The following HMGA1 variants were observed in gnomAD, a reference collection of about 807,000 sequenced individuals.
The protein encoded by HMGA1 is high mobility group AT-hook 1.
HMGA1 carries 1 observed loss-of-function variant against 15.1 expected under a neutral mutation model. The observed-to-expected ratio is 0.07, with a 90% CI of 0.02 to 0.31. HMGA1 has a LOEUF of 0.31. Ranked by LOEUF, HMGA1 falls within the 10% of genes least tolerant of loss-of-function variation. The pLI is 1.00. For synonymous variants in HMGA1, 56 were observed against 54.8 expected (o/e 1.02, Z -0.10); for missense variants, 94 against 141.4 (o/e 0.66, Z 1.70).
chr6:34,242,567 A>C, intron 3 of HMGA1, 145 bp from the exon 4 acceptor site: 1 of 681,892 alleles, frequency 1.5e-6, no homozygotes, highest in South Asian at 1.5e-5. Flanking sequence ...GGAGCTTTGG[A>C]TCCTGAAGGG....
chr6:34,237,709 G>GA (rs1480251342), intron 2 of HMGA1, among the ~76,000 whole-genome samples: 1 of 151,364 alleles, frequency 6.6e-6, no homozygotes. Flanking sequence ...CCGAGCCCGG[G>GA]CCCGGGTGAG....
At chr6:34,243,030 C>T (rs928107549) in intron 4 of HMGA1, among the ~76,000 whole-genome samples, 3 of 151,902 alleles carry the variant, frequency 2.0e-5, no homozygotes, top group Non-Finnish European at 2.9e-5. Flanking sequence ...GAGATCAGGT[C>T]AGAAGTCCCA....
At chr6:34,241,293 T>C (rs751747245) in intron 3 of HMGA1, among the ~76,000 whole-genome samples, 12 of 152,156 alleles carry the variant, frequency 7.9e-5, no homozygotes, top group South Asian at 2.1e-4. Context: ...AAAATGAACA[T>C]AGAAGCCCAG....
At chr6:34,243,207 T>C (rs993232697) in intron 4 of HMGA1, among the ~76,000 whole-genome samples, 3 of 152,104 alleles carry the variant, frequency 2.0e-5, no homozygotes, top group Non-Finnish European at 4.4e-5. Flanking sequence ...AAAAGTTGTT[T>C]TGTTTTTTAT....
intron 2 of HMGA1, among the ~76,000 whole-genome samples, chr6:34,240,315 T>G (rs76470563): frequency 0.039 from 6,008 of 152,236 alleles, 375 homozygotes; most frequent in African/African-American, 0.13. Flanking sequence ...CTGCGTAGGC[T>G]GGATTTTCTC....
chr6:34,240,547 G>A (rs1335483500), intron 2 of HMGA1, 190 bp from the exon 3 acceptor site: 2 of 548,140 alleles, frequency 3.6e-6, no homozygotes, highest in African/African-American at 3.8e-5. Context: ...AGCTGATTAG[G>A]GCCAACGGCC....
rs1762177272 is a variant in HMGA1 at position 34,240,114 on chromosome 6, A to T, written c.-44-623A>T. ...TCAATTATACCAATCTGAATTCTCCAGGGATTTACCCTGGGTGAGAACAGA... is the reference window on the plus strand; with the variant it reads ...TCAATTATACCAATCTGAATTCTCCTGGGATTTACCCTGGGTGAGAACAGA... On this transcript the variant is annotated intron_variant, in intron 2 of 5. Coordinates refer to ENST00000311487, the MANE Select transcript of HMGA1 (RefSeq NM_145899.3). Among the ~76,000 whole-genome samples, 3 of 152,306 alleles carry T rather than the reference A, an allele frequency of 2.0e-5. No individual in the cohort carries two copies. The South Asian group carries it at 6.2e-4, about 32-fold the overall frequency.
chr6:34,240,660 T>A, intron 2 of HMGA1, 77 bp from the exon 3 acceptor site: 1 of 1,174,742 alleles, frequency 8.5e-7, no homozygotes. Flanking sequence ...GCAGTGTGCC[T>A]TGAAGGTGTG....
In HMGA1 at chr6:34,236,891, G is replaced by A. The variant is rs1424807615; in HGVS notation, c.-231G>A. ...GGTCGCTCTTTTTAAGCTCCCCTGA[G>A]CCGGTGCTGCGCTCCTCTAATTGGG... On this transcript the variant is annotated 5_prime_UTR_variant, in exon 1 of 6. Coordinates refer to ENST00000311487, the MANE Select transcript of HMGA1 (RefSeq NM_145899.3). 6.6e-6 allele frequency: 1 copy of A among 152,570 alleles called. No homozygotes were observed. The highest frequency in any genetic ancestry group is 2.4e-5 in the African/African-American group (1 of 41,456). The allele number at this position is 152,570 out of a possible 1,614,324, so 9.5% of individuals were successfully genotyped here.
intron 3 of HMGA1, among the ~76,000 whole-genome samples, chr6:34,241,376 T>C (rs1042651116): frequency 1.3e-5 from 2 of 152,256 alleles, no homozygotes; most frequent in African/African-American, 2.4e-5. Flanking sequence ...TGAATACTTA[T>C]GGTCGATTCT....
rs558082365 is a variant in HMGA1, at chr6:34,243,600, C to T, written c.270+82C>T. ...TGAGTACACAGTACCTGATGCTATG[C>T]ACCCCCTATGGAAAGGCTCTCCTTG... On this transcript the variant is annotated intron_variant, in intron 5 of 5. Transcript: ENST00000311487. The T allele has an allele frequency of 4.9e-5, 55 of 1,124,482 alleles. No homozygotes were observed. In the East Asian group the frequency reaches 1.1e-3, roughly 23 times the overall value. The allele number at this position is 1,124,482 out of a possible 1,614,324, so 69.7% of individuals were successfully genotyped here.
chr6:34,241,920 T>C (rs1307986393), intron 3 of HMGA1, among the ~76,000 whole-genome samples: 2 of 152,046 alleles, frequency 1.3e-5, no homozygotes, highest in Admixed American at 1.3e-4. Context: ...GTGGGGTCAT[T>C]TGTCCTCTTA....
chr6:34,242,308 A>T (rs1762375111), intron 3 of HMGA1, among the ~76,000 whole-genome samples: 1 of 152,086 alleles, frequency 6.6e-6, no homozygotes, highest in Non-Finnish European at 1.5e-5. Flanking sequence ...TACATTACCC[A>T]TTTAATCTCC....
chr6:34,239,976 C>G (rs1762164438), intron 2 of HMGA1, among the ~76,000 whole-genome samples: 2 of 152,172 alleles, frequency 1.3e-5, no homozygotes, highest in East Asian at 3.9e-4. Context: ...AAAGTCCCAT[C>G]TGACTCCAGT....
chr6:34,244,758 G>A, intron 5 of HMGA1, 73 bp from the exon 6 acceptor site: 2 of 1,295,004 alleles, frequency 1.5e-6, no homozygotes, highest in Non-Finnish European at 2.2e-6. Context: ...GCAGGGAGCG[G>A]GTGGGGCCAG....
chr6:34,245,642 G>A lies in HMGA1; in HGVS notation c.*758G>A. On this transcript the variant is annotated 3_prime_UTR_variant, in exon 6 of 6. Coordinates refer to ENST00000311487, the MANE Select transcript of HMGA1 (RefSeq NM_145899.3). ...GGAGATGCAGTCACTTATTGTCCAGGTGAGGCCCAAGAGCCCTGTGGCCGC... is the reference window on the plus strand; with the variant it reads ...GGAGATGCAGTCACTTATTGTCCAGATGAGGCCCAAGAGCCCTGTGGCCGC... 1 of 1,372,878 alleles carries A rather than the reference G, an allele frequency of 7.3e-7. No homozygotes were observed. Among genetic ancestry groups the A allele is most frequent in the South Asian group, 1.2e-5 (1 of 81,014 alleles). The allele number at this position is 1,372,878 out of a possible 1,614,324, so 85.0% of individuals were successfully genotyped here.
At chr6:34,239,015 G>A (rs1762070678) in intron 2 of HMGA1, 2 of 152,214 alleles carry the variant, frequency 1.3e-5, no homozygotes, top group African/African-American at 4.8e-5. Flanking sequence ...GACCTGTGGT[G>A]TAATATAAGA....
Position 34,244,976 on chromosome 6 carries a change from C to T in HMGA1, c.*92C>T. 1 of 1,545,802 alleles carries T rather than the reference C, an allele frequency of 6.5e-7. No homozygotes were observed. Among genetic ancestry groups the T allele is most frequent in the Non-Finnish European group, 8.7e-7 (1 of 1,144,508 alleles). On this transcript the variant is annotated 3_prime_UTR_variant, in exon 6 of 6. Coordinates refer to ENST00000311487, the MANE Select transcript of HMGA1 (RefSeq NM_145899.3). ...GCTCCCACCGCCCCCACCCCTTCCC[C>T]AGGCCCACCATCACCACCGCCTCTG...
intron 3 of HMGA1, among the ~76,000 whole-genome samples, chr6:34,241,121 G>A (rs1762274402): frequency 6.6e-6 from 1 of 152,152 alleles, no homozygotes; most frequent in African/African-American, 2.4e-5. Context: ...GAGAGAACCG[G>A]GGGCCGAGGA....
Sources: allele counts gnomAD v4.1 joint callset (sites outside exome capture counted in the v4.1 genomes callset), GRCh38; gene constraint gnomAD v4.1.1; transcripts MANE v1.5; gene names NCBI Gene and HGNC (gene_info 2026-07-23, HGNC 2026-07-21).